The following IL22RA2 variants were observed in gnomAD, a reference collection of about 807,000 sequenced individuals.
IL22RA2 encodes interleukin 22 receptor subunit alpha 2, also known as interleukin-22 receptor subunit alpha-2.
IL22RA2 carries 39 observed loss-of-function variants against 30.7 expected under a neutral mutation model. The observed-to-expected ratio is 1.27, with a 90% CI of 0.98 to 1.66. The LOEUF (loss-of-function observed/expected upper bound fraction) is 1.66, where lower values mean the gene tolerates loss of function less well. IL22RA2 is among the 40% of genes most tolerant of loss of function. IL22RA2 has a pLI of 0.00. For synonymous variants in IL22RA2, 103 were observed against 105.0 expected (o/e 0.98, Z 0.11); for missense variants, 315 against 312.7 (o/e 1.01, Z -0.05).
chr6:137,162,725 T>TA (rs1260016280), intron 1 of IL22RA2, among the ~76,000 whole-genome samples: 1 of 152,076 alleles, frequency 6.6e-6, no homozygotes, highest in African/African-American at 2.4e-5. Flanking sequence ...AACCTACCCT[T>TA]AAAGTCCAAG....
At chr6:137,171,624 C>T (rs890451477) in intron 1 of IL22RA2, among the ~76,000 whole-genome samples, 5 of 152,150 alleles carry the variant, frequency 3.3e-5, no homozygotes, top group Admixed American at 2.0e-4. Context: ...TCTAGACACT[C>T]GGGTGCCTGA....
intron 2 of IL22RA2, among the ~76,000 whole-genome samples, chr6:137,161,328 G>A (rs1303054724): frequency 2.0e-5 from 3 of 152,084 alleles, no homozygotes; most frequent in Non-Finnish European, 4.4e-5. Context: ...CCATGATTTA[G>A]TGTTCCTTCA....
intron 1 of IL22RA2, among the ~76,000 whole-genome samples, chr6:137,162,764 A>T (rs1674759000): frequency 1.3e-5 from 2 of 152,208 alleles, no homozygotes; most frequent in African/African-American, 2.4e-5. Flanking sequence ...AAAAAGGCTG[A>T]CATATCCAGT....
intron 1 of IL22RA2, among the ~76,000 whole-genome samples, chr6:137,165,930 G>A (rs1778617740): frequency 6.6e-6 from 1 of 152,164 alleles, no homozygotes; most frequent in Non-Finnish European, 1.5e-5. Flanking sequence ...GGGCTTTTGT[G>A]TGAAATCCCC....
rs750672656 is a variant in IL22RA2, at chr6:137,144,377, G to C, written c.*1247C>G. The C allele has an allele frequency of 6.6e-6, 1 of 152,074 alleles. No homozygotes were observed. The highest frequency in any genetic ancestry group is 2.4e-5 in the African/African-American group (1 of 41,386). The allele number at this position is 152,074 out of a possible 1,614,324, so 9.4% of individuals were successfully genotyped here. A position where few individuals can be genotyped will look rare whatever the true frequency, so the allele number is the denominator to read the frequency against. ...GTACTTGCATATAACTAGAAGCACC[G>C]ACTATATTGTTATCAACTTTGGAGC... is the stretch of plus-strand genomic sequence containing the variant. On this transcript the variant is annotated 3_prime_UTR_variant, in exon 7 of 7. Transcript: ENST00000296980.
chr6:137,155,625 G>A (rs1017850747), intron 4 of IL22RA2, among the ~76,000 whole-genome samples: 5 of 151,748 alleles, frequency 3.3e-5, no homozygotes, highest in Non-Finnish European at 7.4e-5. Flanking sequence ...CCATTCATGG[G>A]GGCAGAATCC....
chr6:137,146,838 C>CA (rs745999808), intron 6 of IL22RA2, among the ~76,000 whole-genome samples: 7 of 151,086 alleles, frequency 4.6e-5, no homozygotes, highest in East Asian at 3.9e-4. Flanking sequence ...ACTAAAAGTA[C>CA]AAAAAAACAT....
At position 137,161,816 on chromosome 6, in the gene IL22RA2, T is replaced by G. The variant is rs1778528056; in HGVS notation, c.-65-2A>C. ...ACCAGCTCAGGACCAAAGAGGAAAC[T>G]GTAAAATCCACAAACAGACAATCAC... On this transcript the variant is annotated splice_acceptor_variant, in intron 1 of 6. Transcript: ENST00000296980. LOFTEE classifies it low-confidence loss of function (5UTR_SPLICE). 2 of 1,279,364 alleles carry G rather than the reference T, an allele frequency of 1.6e-6. No individual in the cohort carries two copies. Among genetic ancestry groups the G allele is most frequent in the East Asian group, 4.8e-5 (2 of 41,382 alleles). The allele number at this position is 1,279,364 out of a possible 1,614,324, so 79.3% of individuals were successfully genotyped here. A position where few individuals can be genotyped will look rare whatever the true frequency, so the allele number is the denominator to read the frequency against.
At chr6:137,166,614 C>T (rs748575017) in intron 1 of IL22RA2, among the ~76,000 whole-genome samples, 5 of 152,146 alleles carry the variant, frequency 3.3e-5, no homozygotes, top group Admixed American at 1.3e-4. Context: ...TCTTACAGAA[C>T]CCCCTAACTA....
At chr6:137,165,885 G>A (rs1317818521) in intron 1 of IL22RA2, among the ~76,000 whole-genome samples, 2 of 152,190 alleles carry the variant, frequency 1.3e-5, no homozygotes, top group Admixed American at 1.3e-4. Flanking sequence ...AGGGGACATT[G>A]CTGGCTTTCT....
chr6:137,156,810 C>T lies in IL22RA2; in HGVS notation c.242G>A (p.Gly81Glu), dbSNP rs752605171. 1 of 1,613,794 alleles carries T rather than the reference C, an allele frequency of 6.2e-7. No individual in the cohort carries two copies. Among genetic ancestry groups the T allele is most frequent in the Non-Finnish European group, 8.5e-7 (1 of 1,179,730 alleles). ...GTTACAAGAAATGTGCTGCCAGCAT[C>T]CACTTGGCTTCTGGTGAGAGCTTTT... ...SMKSSHQKPS[G>E]CWQHISCNFP... Residue 81 changes from glycine to glutamate, a missense_variant, in exon 4 of 7, where the codon GGA (glycine) becomes GAA (glutamate). Transcript: ENST00000296980.
chr6:137,166,007 C>A (rs558689939), intron 1 of IL22RA2, among the ~76,000 whole-genome samples: 32 of 152,282 alleles, frequency 2.1e-4, no homozygotes, highest in African/African-American at 7.7e-4. Context: ...ATGGGCGGAG[C>A]ATGGAAAGCC....
At position 137,154,859 on chromosome 6, in the gene IL22RA2, C is replaced by T. The variant is rs1174084284; in HGVS notation, c.472+82G>A. 2.5e-6 allele frequency: 3 copies of T among 1,187,134 alleles called. No individual in the cohort carries two copies. In the East Asian group the frequency reaches 7.0e-5, roughly 28 times the overall value. The allele number at this position is 1,187,134 out of a possible 1,614,324, so 73.5% of individuals were successfully genotyped here. On this transcript the variant is annotated intron_variant, in intron 5 of 6. Coordinates refer to ENST00000296980, the MANE Select transcript of IL22RA2 (RefSeq NM_052962.3). The stretch of plus-strand genomic sequence containing the variant: ...ATGATGTAGAGACCTCAGCAAAGCA[C>T]AAGGCCTAGTCACTAGCCGTGCTCC...
intron 1 of IL22RA2, among the ~76,000 whole-genome samples, chr6:137,170,582 G>A (rs548806478): frequency 2.0e-5 from 3 of 152,140 alleles, no homozygotes; most frequent in South Asian, 2.1e-4. Flanking sequence ...CTCGATTCCC[G>A]CCTCACGTAG....
chr6:137,153,545 G>A, intron 5 of IL22RA2, among the ~76,000 whole-genome samples: 1 of 152,096 alleles, frequency 6.6e-6, no homozygotes, highest in Non-Finnish European at 1.5e-5. Context: ...CCATATGCTT[G>A]GCCTTGAATT....
At chr6:137,149,288 T>A (rs1778241203) in intron 5 of IL22RA2, among the ~76,000 whole-genome samples, 1 of 152,200 alleles carries the variant, frequency 6.6e-6, no homozygotes, top group Admixed American at 6.5e-5. Flanking sequence ...AGACTTTACT[T>A]TGAGTCTTGG....
chr6:137,150,658 A>G (rs1017082728), intron 5 of IL22RA2, among the ~76,000 whole-genome samples: 1 of 152,158 alleles, frequency 6.6e-6, no homozygotes, highest in African/African-American at 2.4e-5. Context: ...ACTTTGTTTG[A>G]TAAGTAAATT....
In IL22RA2 at chr6:137,154,967, G is replaced by A. The variant is rs137920861; in HGVS notation, c.446C>T (p.Thr149Met). The A allele has an allele frequency of 1.1e-3, 1,790 of 1,614,048 alleles. 2 individuals are homozygous for A. Among genetic ancestry groups the A allele is most frequent in the Non-Finnish European group, 1.4e-3 (1,693 of 1,179,960 alleles). Residue 149 changes from threonine to methionine, a missense_variant, in exon 5 of 7, where the codon ACG (threonine) becomes ATG (methionine). By Grantham distance (81) the Thr-to-Met change is moderately conservative. Transcript: ENST00000296980. ...TTCCCACCAGGGAGTGAACCGCGGC[G>A]TCATGCTCCATTCTGAGTAGCTCCC... ...SAGSYSEWSM[T>M]PRFTPWWETK...
chr6:137,170,129 G>A (rs576651156), intron 1 of IL22RA2, among the ~76,000 whole-genome samples: 9 of 152,214 alleles, frequency 5.9e-5, no homozygotes, highest in East Asian at 1.9e-4. Flanking sequence ...ACCACCATCC[G>A]AATAAAGGCT....
Sources: gnomAD v4.1 joint callset for allele counts (sites outside exome capture counted in the v4.1 genomes callset) on GRCh38, gnomAD v4.1.1 for gene constraint, MANE v1.5 for transcripts, NCBI Gene and HGNC (gene_info 2026-07-23, HGNC 2026-07-21) for gene names.